Variants in DNAAF4 observed in about 807,000 individuals in gnomAD.
DNAAF4 encodes dynein assembly factor 4, axonemal.
In DNAAF4, 43 loss-of-function variants were observed where a neutral mutation model predicts 51.8. The observed-to-expected ratio is 0.83, with a 90% confidence interval of 0.65 to 1.07. The LOEUF is 1.07. DNAAF4 is among the 50% of genes least tolerant of loss of function. The pLI is 0.00. For synonymous variants in DNAAF4, 194 were observed against 165.6 expected (o/e 1.17, Z -1.32); for missense variants, 581 against 493.0 (o/e 1.18, Z -1.69).
chr15:55,431,123 C>A (rs2141396208), intron 9 of DNAAF4, among the ~76,000 whole-genome samples: 1 of 152,106 alleles, frequency 6.6e-6, no homozygotes, highest in South Asian at 2.1e-4. Context: ...CCGTGTTAGC[C>A]AGTAGGGCCT....
chr15:55,448,519 GGTGTGTGTGTGTGT>G (rs111911388), intron 6 of DNAAF4, among the ~76,000 whole-genome samples: 1,556 of 99,886 alleles, frequency 0.016, 45 homozygotes, highest in African/African-American at 0.057. Context: ...AAAAAAAAAG[GGTGTGTGTGTGTGT>G]GTGTGTGTGT....
At chr15:55,507,671 A>G (rs781640382) in intron 1 of DNAAF4, among the ~76,000 whole-genome samples, 5 of 152,066 alleles carry the variant, frequency 3.3e-5, no homozygotes, top group Non-Finnish European at 5.9e-5. Flanking sequence ...AGAACTGATT[A>G]CCACATAGTC....
intron 4 of DNAAF4, among the ~76,000 whole-genome samples, chr15:55,484,416 CG>C (rs1249054598): frequency 6.7e-6 from 1 of 149,442 alleles, no homozygotes; most frequent in African/African-American, 2.5e-5. Flanking sequence ...ACCTGGGAGG[CG>C]GAGCTTGCAG....
chr15:55,446,051 A>G (rs372477911), intron 6 of DNAAF4, among the ~76,000 whole-genome samples: 674 of 45,688 alleles, frequency 0.015, no homozygotes, highest in Middle Eastern at 0.043. Flanking sequence ...GGGCAGAGGC[A>G]CTCCCCGCTT....
intron 7 of DNAAF4, among the ~76,000 whole-genome samples, chr15:55,436,240 G>A (rs1166987729): frequency 2.0e-5 from 3 of 152,062 alleles, no homozygotes; most frequent in African/African-American, 7.2e-5. Context: ...ATCCTAATGG[G>A]TGTGAAGTGG....
chr15:55,469,804 C>G (rs1215412026), intron 4 of DNAAF4, among the ~76,000 whole-genome samples: 2 of 151,312 alleles, frequency 1.3e-5, no homozygotes, highest in Non-Finnish European at 2.9e-5. Context: ...CTTACCAATT[C>G]TCTAACATCA....
intron 7 of DNAAF4, among the ~76,000 whole-genome samples, chr15:55,424,775 CT>C (rs2057416071): frequency 1.3e-5 from 2 of 151,914 alleles, no homozygotes; most frequent in Admixed American, 1.3e-4. Flanking sequence ...GTTGGTCAGG[CT>C]GGTCTCCAAC....
chr15:55,446,267 C>G lies in DNAAF4; in HGVS notation c.783+3955G>C, dbSNP rs1255898016. On this transcript the variant is annotated intron_variant, in intron 6 of 9. Coordinates refer to ENST00000321149, the MANE Select transcript of DNAAF4 (RefSeq NM_130810.4). ...GCTCCTCACCTCCTAGACGGGGCGGCCGGGCAGAGGCGCTCCTCACATCCC... is the reference window on the plus strand; with the variant it reads ...GCTCCTCACCTCCTAGACGGGGCGGGCGGGCAGAGGCGCTCCTCACATCCC... 2.2e-4 allele frequency among the ~76,000 whole-genome samples: 25 copies of G among 112,184 alleles called. No homozygotes were observed. In the South Asian group the frequency reaches 7.6e-3, roughly 34 times the overall value. The allele number at this position is 112,184 out of a possible 152,430, so 73.6% of individuals were successfully genotyped here. A position where few individuals can be genotyped will look rare whatever the true frequency, so the allele number is the denominator to read the frequency against.
chr15:55,453,783 C>T (rs2057974690), intron 5 of DNAAF4, among the ~76,000 whole-genome samples: 1 of 151,852 alleles, frequency 6.6e-6, no homozygotes, highest in South Asian at 2.1e-4. Context: ...ATCTCCTGAC[C>T]TCGTGATCCA....
intron 4 of DNAAF4, among the ~76,000 whole-genome samples, chr15:55,484,497 A>AAC (rs2058459350): frequency 6.6e-6 from 1 of 151,880 alleles, no homozygotes; most frequent in Non-Finnish European, 1.5e-5. Context: ...GAAAAAAAAA[A>AAC]AAAAAAACAG....
downstream of DNAAF4, among the ~76,000 whole-genome samples, chr15:55,427,095 C>A (rs2057437328): frequency 6.6e-6 from 1 of 152,046 alleles, no homozygotes; most frequent in Non-Finnish European, 1.5e-5. Context: ...TTGAGACAGT[C>A]TCGCTCTGTC....
At chr15:55,418,149 G>GGGT in intron 7 of DNAAF4, 1 of 1,569,974 alleles carries the variant, frequency 6.4e-7, no homozygotes, top group Admixed American at 2.0e-5. Context: ...AAAGGGAAGT[G>GGGT]GGTGGGACTG....
intron 1 of DNAAF4, among the ~76,000 whole-genome samples, chr15:55,504,237 G>A (rs1433439806): frequency 1.3e-5 from 2 of 152,100 alleles, no homozygotes; most frequent in Non-Finnish European, 2.9e-5. Flanking sequence ...CCTCTTCAAG[G>A]AGAACTACAA....
chr15:55,491,450 T>G, intron 3 of DNAAF4, among the ~76,000 whole-genome samples, 194 bp from the exon 4 acceptor site: 1 of 145,088 alleles, frequency 6.9e-6, no homozygotes, highest in Non-Finnish European at 1.5e-5. Context: ...GTAATAATAA[T>G]GAATGACTAG....
intron 7 of DNAAF4, among the ~76,000 whole-genome samples, chr15:55,424,747 G>C (rs1243895067): frequency 2.6e-5 from 4 of 151,730 alleles, no homozygotes; most frequent in South Asian, 2.1e-4. Flanking sequence ...ATTTTTAGTA[G>C]AGACAGGGTT....
chr15:55,474,525 C>A (rs1366152249), intron 4 of DNAAF4, among the ~76,000 whole-genome samples: 2 of 151,792 alleles, frequency 1.3e-5, no homozygotes, highest in African/African-American at 4.8e-5. Flanking sequence ...CAGCGTGAGG[C>A]TCCATCTCAA....
intron 2 of DNAAF4, 127 bp downstream of exon 2, chr15:55,498,080 T>C: frequency 6.6e-7 from 1 of 1,511,940 alleles, no homozygotes; most frequent in Non-Finnish European, 8.9e-7. Context: ...GATTCATTTT[T>C]TTAATAGGAT....
At position 55,480,984 on chromosome 15, in the gene DNAAF4, G is replaced by C. The variant is rs147018976; in HGVS notation, c.405+10139C>G. Among the ~76,000 whole-genome samples the C allele has an allele frequency of 3.3e-3, 503 of 152,224 alleles. 3 individuals are homozygous for C. Among genetic ancestry groups the C allele is most frequent in the East Asian group, 0.032 (168 of 5,180 alleles). ...TCATGATAATGAGTGAGTCTCACAA[G>C]ATCTAATGGTTTTATAAGGTTTTAT... On this transcript the variant is annotated intron_variant, in intron 4 of 9. Coordinates refer to ENST00000321149, the MANE Select transcript of DNAAF4 (RefSeq NM_130810.4).
intron 4 of DNAAF4, among the ~76,000 whole-genome samples, chr15:55,469,867 G>C (rs1305807312): frequency 6.6e-6 from 1 of 151,868 alleles, no homozygotes; most frequent in Non-Finnish European, 1.5e-5. Flanking sequence ...GTTAGCATTA[G>C]ATCCCACAGG....
Sources: gnomAD v4.1 joint callset for allele counts (sites outside exome capture counted in the v4.1 genomes callset) on GRCh38, gnomAD v4.1.1 for gene constraint, MANE v1.5 for transcripts, NCBI Gene and HGNC (gene_info 2026-07-23, HGNC 2026-07-21) for gene names.